The following CAMTA1 variants were observed in gnomAD, a reference collection of about 807,000 sequenced individuals.
The protein encoded by CAMTA1 is calmodulin binding transcription activator 1.
Under a neutral mutation model 170.9 loss-of-function variants are expected in CAMTA1, and 27 were observed. That is an observed-to-expected ratio of 0.16 (90% CI 0.12 to 0.22). The LOEUF is 0.22. CAMTA1 is among the 10% of genes least tolerant of loss of function. The pLI, the probability that CAMTA1 is intolerant of heterozygous loss-of-function variation, is 1.00. For missense variants in CAMTA1, 1,619 were observed against 2,217.2 expected (o/e 0.73, Z 5.42); for synonymous variants, 833 against 891.5 (o/e 0.93, Z 1.17).
At chr1:7,076,079 G>A (rs1178518306) in intron 3 of CAMTA1, among the ~76,000 whole-genome samples, 2 of 152,162 alleles carry the variant, frequency 1.3e-5, no homozygotes. Context: ...GCTTGACCCA[G>A]ATCTCCAGGG....
intron 5 of CAMTA1, among the ~76,000 whole-genome samples, chr1:7,445,537 G>A (rs1448832025): frequency 6.6e-6 from 1 of 152,102 alleles, no homozygotes; most frequent in African/African-American, 2.4e-5. Flanking sequence ...GACCCTGGAC[G>A]GGGGAGGGGC....
chr1:7,542,151 T>C (rs1377659005), intron 6 of CAMTA1, among the ~76,000 whole-genome samples: 1 of 152,176 alleles, frequency 6.6e-6, no homozygotes, highest in East Asian at 1.9e-4. Context: ...GTACTCATAG[T>C]AGAACATTTA....
At chr1:7,262,894 G>A (rs532475912) in intron 5 of CAMTA1, among the ~76,000 whole-genome samples, 26 of 152,316 alleles carry the variant, frequency 1.7e-4, no homozygotes, top group Non-Finnish European at 2.4e-4. Context: ...GAGCAGATGC[G>A]TGTGTTGACA....
At chr1:7,734,019 C>T (rs936407483) in intron 12 of CAMTA1, among the ~76,000 whole-genome samples, 47 of 152,190 alleles carry the variant, frequency 3.1e-4, no homozygotes, top group African/African-American at 8.9e-4. Context: ...ACAATCTTGG[C>T]TCACTGCAGC....
At chr1:7,268,707 A>G (rs1294950071) in intron 5 of CAMTA1, among the ~76,000 whole-genome samples, 3 of 152,200 alleles carry the variant, frequency 2.0e-5, no homozygotes, top group Non-Finnish European at 1.5e-5. Context: ...AATTCTTTAA[A>G]GTAAGACAAC....
chr1:7,232,379 T>C (rs1290748646), intron 4 of CAMTA1, among the ~76,000 whole-genome samples: 2 of 152,264 alleles, frequency 1.3e-5, no homozygotes, highest in Admixed American at 1.3e-4. Flanking sequence ...CTGTTTGCTT[T>C]GGAACCAGGA....
At chr1:7,257,713 GTTT>G (rs58070259) in intron 5 of CAMTA1, among the ~76,000 whole-genome samples, 1 of 151,314 alleles carries the variant, frequency 6.6e-6, no homozygotes, top group Admixed American at 6.6e-5. Flanking sequence ...ATAAACAACA[GTTT>G]TTTTTTAGTA....
chr1:7,501,610 A>G (rs1403294713), intron 6 of CAMTA1, among the ~76,000 whole-genome samples: 1 of 115,124 alleles, frequency 8.7e-6, no homozygotes, highest in African/African-American at 2.8e-5. Flanking sequence ...AAATTCGGAT[A>G]AACAACAGTT....
chr1:7,258,980 G>A (rs986934115), intron 5 of CAMTA1, among the ~76,000 whole-genome samples: 18 of 152,182 alleles, frequency 1.2e-4, no homozygotes, highest in African/African-American at 4.1e-4. Context: ...GGAAAACAGG[G>A]TGTAAATGAA....
intron 6 of CAMTA1, among the ~76,000 whole-genome samples, chr1:7,637,169 C>T (rs1431409812): frequency 6.6e-6 from 1 of 152,262 alleles, no homozygotes; most frequent in Non-Finnish European, 1.5e-5. Context: ...CCACAAGACC[C>T]TGTCTGCCTG....
chr1:7,490,804 A>T (rs1206940997), intron 6 of CAMTA1, among the ~76,000 whole-genome samples: 1 of 152,148 alleles, frequency 6.6e-6, no homozygotes, highest in Non-Finnish European at 1.5e-5. Context: ...TCAGGCCGAG[A>T]TCCTCTCCTT....
At chr1:6,894,153 A>AT (rs1675158542) in intron 3 of CAMTA1, among the ~76,000 whole-genome samples, 1 of 151,300 alleles carries the variant, frequency 6.6e-6, no homozygotes, top group Admixed American at 6.6e-5. Flanking sequence ...GAATGAACTT[A>AT]TTTTTTCAGT....
chr1:7,427,628 C>G lies in CAMTA1; in HGVS notation c.439-40202C>G, dbSNP rs186904752. Among the ~76,000 whole-genome samples the G allele has an allele frequency of 2.1e-4, 32 of 152,350 alleles. No homozygotes were observed. The East Asian group carries it at 3.5e-3, about 16-fold the overall frequency. ...TGCATACGTATTTAATTTTCAATCT[C>G]TAGTCTCTTTTATAATCCTGAGTGG... On this transcript the variant is annotated intron_variant, in intron 5 of 22. Coordinates refer to ENST00000303635, the MANE Select transcript of CAMTA1 (RefSeq NM_015215.4).
intron 3 of CAMTA1, among the ~76,000 whole-genome samples, chr1:7,086,483 C>T (rs1055661124): frequency 6.6e-6 from 1 of 152,104 alleles, no homozygotes; most frequent in Admixed American, 6.5e-5. Context: ...GTCATTAGTA[C>T]ATTCATGAGG....
chr1:7,704,488 G>T (rs2096483182), intron 11 of CAMTA1, among the ~76,000 whole-genome samples: 1 of 146,430 alleles, frequency 6.8e-6, no homozygotes, highest in African/African-American at 2.5e-5. Flanking sequence ...GGGGACGCCC[G>T]GGCCGCGCTC....
intron 4 of CAMTA1, among the ~76,000 whole-genome samples, chr1:7,167,333 C>T (rs1404639096): frequency 1.3e-5 from 2 of 152,046 alleles, no homozygotes; most frequent in Non-Finnish European, 2.9e-5. Flanking sequence ...GTCATCCTTT[C>T]CCCAGTGATG....
rs989108179 is a variant in CAMTA1, at chr1:7,663,957, C to T, written c.1410C>T (p.Leu470=). Residue 470 remains leucine (L), a synonymous_variant, in exon 9 of 23, where the codon CTC becomes CTT. Transcript: ENST00000303635. ...AAGAGCTGGTCCTCTCCACCACCCT[C>T]GACGGTGGCCGGAAGATTCCAGAAA... ...VSEELVLSTT[L]DGGRKIPETT... 5.0e-6 allele frequency: 8 copies of T among 1,613,724 alleles called. No homozygotes were observed. Among genetic ancestry groups the T allele is most frequent in the Middle Eastern group, 1.6e-4 (1 of 6,084 alleles).
chr1:7,255,713 G>A (rs1667266391), intron 5 of CAMTA1, among the ~76,000 whole-genome samples: 1 of 152,192 alleles, frequency 6.6e-6, no homozygotes, highest in South Asian at 2.1e-4. Flanking sequence ...AAGTAACAAG[G>A]AGTCTCCACA....
intron 1 of CAMTA1, among the ~76,000 whole-genome samples, chr1:6,804,669 A>G (rs1293812533): frequency 6.6e-6 from 1 of 152,076 alleles, no homozygotes; most frequent in African/African-American, 2.4e-5. Context: ...GTTTTTATCT[A>G]TGTTGTATGT....
Sources: allele counts gnomAD v4.1 joint callset (sites outside exome capture counted in the v4.1 genomes callset), GRCh38; gene constraint gnomAD v4.1.1; transcripts MANE v1.5; gene names NCBI Gene and HGNC (gene_info 2026-07-23, HGNC 2026-07-21).